Variants in SYT17 observed in about 807,000 individuals in gnomAD.
The protein encoded by SYT17 is synaptotagmin-17.
SYT17 carries 22 observed loss-of-function variants against 46.7 expected under a neutral mutation model. The observed-to-expected ratio is 0.47, with a 90% CI of 0.34 to 0.67. The LOEUF is 0.67. Among genes scored for constraint, SYT17 ranks in the 30% least tolerant of loss-of-function variants. The pLI is 0.01. For missense variants in SYT17, 519 were observed against 612.8 expected (o/e 0.85, Z 1.62); for synonymous variants, 251 against 248.4 (o/e 1.01, Z -0.10).
chr16:19,179,987 C>T (rs1273953374), intron 3 of SYT17, among the ~76,000 whole-genome samples: 2 of 152,174 alleles, frequency 1.3e-5, no homozygotes, highest in Non-Finnish European at 2.9e-5. Flanking sequence ...TACCAGGACA[C>T]TTGTAACCAA....
chr16:19,190,782 G>C (rs966201816), intron 5 of SYT17, among the ~76,000 whole-genome samples: 3 of 150,626 alleles, frequency 2.0e-5, no homozygotes, highest in African/African-American at 7.3e-5. Context: ...GTGTGTGTGT[G>C]TGTGTGTGTG....
At chr16:19,178,144 T>C (rs1020798280) in intron 3 of SYT17, among the ~76,000 whole-genome samples, 1 of 151,822 alleles carries the variant, frequency 6.6e-6, no homozygotes, top group Non-Finnish European at 1.5e-5. Context: ...AGTGCAGTGG[T>C]GCAATCTCGC....
intron 2 of SYT17, 154 bp downstream of exon 2, chr16:19,172,931 G>A: frequency 1.0e-6 from 1 of 962,994 alleles, no homozygotes; most frequent in Non-Finnish European, 1.5e-6. Context: ...CTACCGAAAG[G>A]AGATCCCGGT....
In SYT17 at chr16:19,196,490, G is replaced by T. The variant is rs372004818; in HGVS notation, c.951+12343G>T. Among the ~76,000 whole-genome samples the T allele has an allele frequency of 2.8e-4, 42 of 152,026 alleles. 1 individual carries two copies. The East Asian group carries it at 3.9e-3, about 14-fold the overall frequency. On this transcript the variant is annotated intron_variant, in intron 5 of 7. Coordinates refer to ENST00000355377, the MANE Select transcript of SYT17 (RefSeq NM_016524.4). ...ACTCCTGACCTCATGTGATCCACCCGCCTTGGCCTCCCAAAGTGTTGGGAT... is the reference window on the plus strand; with the variant it reads ...ACTCCTGACCTCATGTGATCCACCCTCCTTGGCCTCCCAAAGTGTTGGGAT...
intron 7 of SYT17, among the ~76,000 whole-genome samples, chr16:19,258,352 T>C (rs764508589): frequency 6.6e-6 from 1 of 151,952 alleles, no homozygotes; most frequent in African/African-American, 2.4e-5. Context: ...ACAAGGGAGA[T>C]AGAGGAGGCC....
chr16:19,168,624 G>T lies in SYT17; in HGVS notation c.-23G>T. The T allele has an allele frequency of 6.5e-7, 1 of 1,540,748 alleles. No individual in the cohort carries two copies. Among genetic ancestry groups the T allele is most frequent in the Admixed American group, 2.0e-5 (1 of 50,560 alleles). On this transcript the variant is annotated 5_prime_UTR_variant, in exon 1 of 8. Transcript: ENST00000355377. This position sits in a 1 kb window ranked among gnomAD's most constrained non-coding sequence, Gnocchi z 6.9. ...GCCGTGGCGGCGCCATGCCCGGGCCGGAGTGAGTGCGCGCGGGCGAAAATG... is the reference window on the plus strand; with the variant it reads ...GCCGTGGCGGCGCCATGCCCGGGCCTGAGTGAGTGCGCGCGGGCGAAAATG...
intron 7 of SYT17, among the ~76,000 whole-genome samples, chr16:19,249,622 T>C (rs1247525492): frequency 6.6e-6 from 1 of 152,186 alleles, no homozygotes; most frequent in East Asian, 1.9e-4. Context: ...TGACTGTTGG[T>C]GTGGAACATC....
intron 7 of SYT17, among the ~76,000 whole-genome samples, chr16:19,234,282 C>T (rs982468577): frequency 6.6e-6 from 1 of 152,078 alleles, no homozygotes; most frequent in Non-Finnish European, 1.5e-5. Flanking sequence ...ACTATGATCA[C>T]ACCACTGCAC....
At chr16:19,206,639 G>T (rs34565350) in intron 5 of SYT17, among the ~76,000 whole-genome samples, 2 of 152,054 alleles carry the variant, frequency 1.3e-5, no homozygotes, top group East Asian at 3.9e-4. Context: ...ACCACCCCAG[G>T]CCTCTCCTGT....
At chr16:19,215,574 G>A (rs1966063548) in intron 5 of SYT17, among the ~76,000 whole-genome samples, 1 of 152,096 alleles carries the variant, frequency 6.6e-6, no homozygotes, top group African/African-American at 2.4e-5. Context: ...ACCACAGCTG[G>A]CTAATTTTTT....
chr16:19,202,429 G>A (rs1003346434), intron 5 of SYT17, among the ~76,000 whole-genome samples: 10 of 152,180 alleles, frequency 6.6e-5, no homozygotes, highest in Non-Finnish European at 1.0e-4. Context: ...GTGCTTTCAC[G>A]CCCTCAACGG....
At chr16:19,240,941 CTTTTTTTTTTTTT>C (rs970503158) in intron 7 of SYT17, among the ~76,000 whole-genome samples, 34 of 98,792 alleles carry the variant, frequency 3.4e-4, no homozygotes, top group Non-Finnish European at 5.0e-4. Context: ...AGGCTCAGTT[CTTTTTTTTTTTTT>C]TTTTTTTTTT....
chr16:19,221,552 A>G (rs948769632), intron 5 of SYT17, among the ~76,000 whole-genome samples: 1 of 152,178 alleles, frequency 6.6e-6, no homozygotes, highest in Non-Finnish European at 1.5e-5. Flanking sequence ...AACATGCGAG[A>G]TTGTTTCTTG....
chr16:19,267,140 T>C lies in SYT17; in HGVS notation c.*64T>C, dbSNP rs950992968. The C allele has an allele frequency of 7.1e-7, 1 of 1,405,118 alleles. No homozygotes were observed. The allele number at this position is 1,405,118 out of a possible 1,614,324, so 87.0% of individuals were successfully genotyped here. ...AAAAAAAAAGACGGAAAAAAATGTG[T>C]CACATACTATTACATCCACACCTGC... is the stretch of plus-strand genomic sequence containing the variant. On this transcript the variant is annotated 3_prime_UTR_variant, in exon 8 of 8. Coordinates refer to ENST00000355377, the MANE Select transcript of SYT17 (RefSeq NM_016524.4).
chr16:19,200,626 C>T lies in SYT17; in HGVS notation c.951+16479C>T, dbSNP rs565406203. Reference sequence around the variant, plus strand: ...CACTCCCTCTTCATTTCTCTCCATTCGAGTTTTATTTCTAGGTGATAGAGA... The same window carrying T: ...CACTCCCTCTTCATTTCTCTCCATTTGAGTTTTATTTCTAGGTGATAGAGA... On this transcript the variant is annotated intron_variant, in intron 5 of 7. Coordinates refer to ENST00000355377, the MANE Select transcript of SYT17 (RefSeq NM_016524.4). Among the ~76,000 whole-genome samples, 85 of 152,300 alleles carry T rather than the reference C, an allele frequency of 5.6e-4. 1 individual carries two copies. The highest frequency in any genetic ancestry group is 3.1e-3 in the Admixed American group (48 of 15,298).
intron 5 of SYT17, among the ~76,000 whole-genome samples, chr16:19,193,698 G>A (rs1032923375): frequency 2.6e-5 from 4 of 152,214 alleles, no homozygotes; most frequent in African/African-American, 9.6e-5. Context: ...GGGAGGAAAT[G>A]AGACCAATAA....
At chr16:19,217,369 C>T (rs1488022381) in intron 5 of SYT17, among the ~76,000 whole-genome samples, 4 of 152,104 alleles carry the variant, frequency 2.6e-5, no homozygotes, top group Non-Finnish European at 5.9e-5. Flanking sequence ...TAAACAGTCA[C>T]TCCATATTTC....
chr16:19,168,408 GA>G lies in SYT17; in HGVS notation c.-238del, dbSNP rs2142481387. The G allele has an allele frequency of 1.7e-6, 1 of 575,652 alleles. No individual in the cohort carries two copies. The highest frequency in any genetic ancestry group is 3.4e-5 in the East Asian group (1 of 29,426). The allele number at this position is 575,652 out of a possible 1,614,324, so 35.7% of individuals were successfully genotyped here. A position where few individuals can be genotyped will look rare whatever the true frequency, so the allele number is the denominator to read the frequency against. Reference sequence around the variant, plus strand: ...GCCGAGGCGGGGGCCCTGGGCGCCCGATATCTCCGAACCGGGGAGGCGGCCC... The same window carrying G: ...GCCGAGGCGGGGGCCCTGGGCGCCCGTATCTCCGAACCGGGGAGGCGGCCC... On this transcript the variant is annotated 5_prime_UTR_variant, in exon 1 of 8. Transcript: ENST00000355377. The surrounding 1 kb of genome is among the most constrained non-coding windows in gnomAD (Gnocchi z 6.9).
At chr16:19,173,405 C>A (rs757254445) in intron 2 of SYT17, 25 bp from the exon 3 acceptor site, 2 of 1,250,830 alleles carry the variant, frequency 1.6e-6, no homozygotes, top group Non-Finnish European at 2.2e-6. Context: ...CCCATCCCCC[C>A]GCCCACCTCC....
Sources: gnomAD v4.1 joint callset for allele counts (sites outside exome capture counted in the v4.1 genomes callset) on GRCh38, gnomAD v4.1.1 for gene constraint, Gnocchi (gnomAD v3.1) non-coding constraint, MANE v1.5 for transcripts, NCBI Gene and HGNC (gene_info 2026-07-23, HGNC 2026-07-21) for gene names.